SLC24A2: variants seen among roughly 807,000 people sequenced by gnomAD.
The protein encoded by SLC24A2 is sodium/potassium/calcium exchanger 2.
SLC24A2 carries 36 observed loss-of-function variants against 62.0 expected under a neutral mutation model. The observed-to-expected ratio is 0.58, with a 90% confidence interval of 0.44 to 0.77. SLC24A2 has a LOEUF of 0.77. SLC24A2 is among the 30% of genes least tolerant of loss of function. The probability of loss-of-function intolerance (pLI) is 0.00; values close to 1 mark genes in which losing one functional copy is unlikely to be tolerated. For synonymous variants in SLC24A2, 358 were observed against 294.0 expected (o/e 1.22, Z -2.23); for missense variants, 846 against 817.9 (o/e 1.03, Z -0.42).
At chr9:19,932,294 G>A in the SLC24A2 span, among the ~76,000 whole-genome samples, 13 of 152,134 alleles carry the variant, frequency 8.5e-5, no homozygotes, top group Admixed American at 5.2e-4. Context: ...TAAAATTCCG[G>A]TAGATATTTT....
the SLC24A2 span, among the ~76,000 whole-genome samples, chr9:19,826,341 G>C: frequency 6.6e-6 from 1 of 152,210 alleles, no homozygotes; most frequent in South Asian, 2.1e-4. Flanking sequence ...AGAGTGAATG[G>C]GATATCCAAG....
chr9:20,049,335 C>A, the SLC24A2 span, among the ~76,000 whole-genome samples: 1 of 152,098 alleles, frequency 6.6e-6, no homozygotes, highest in Admixed American at 6.5e-5. Flanking sequence ...ACTGAGTGAG[C>A]GCATTAAGTT....
the SLC24A2 span, among the ~76,000 whole-genome samples, chr9:20,228,706 G>A: frequency 3.3e-5 from 5 of 152,152 alleles, no homozygotes; most frequent in African/African-American, 1.2e-4. Context: ...TGACCCTTAG[G>A]AGGGTATAAC....
chr9:19,969,206 C>CACAA, the SLC24A2 span, among the ~76,000 whole-genome samples: 3 of 151,228 alleles, frequency 2.0e-5, no homozygotes, highest in African/African-American at 7.3e-5. Context: ...CACACACACA[C>CACAA]ACACACACAC....
chr9:20,262,151 A>G, the SLC24A2 span, among the ~76,000 whole-genome samples: 5 of 152,196 alleles, frequency 3.3e-5, no homozygotes, highest in Non-Finnish European at 5.9e-5. Context: ...ATGCTGTAAT[A>G]CTATTATTCT....
chr9:20,094,935 G>A, the SLC24A2 span, among the ~76,000 whole-genome samples: 1 of 152,118 alleles, frequency 6.6e-6, no homozygotes, highest in Admixed American at 6.5e-5. Context: ...CACTTTTCAA[G>A]TTTGGGTGTA....
chr9:20,159,875 A>G, the SLC24A2 span, among the ~76,000 whole-genome samples: 1 of 151,628 alleles, frequency 6.6e-6, no homozygotes, highest in Non-Finnish European at 1.5e-5. Context: ...ATGCCATCTG[A>G]AGAAATAAGC....
the SLC24A2 span, among the ~76,000 whole-genome samples, chr9:19,860,869 G>A: frequency 6.6e-6 from 1 of 152,152 alleles, no homozygotes; most frequent in African/African-American, 2.4e-5. Flanking sequence ...TTTGGAAAGG[G>A]GAGAGAAGAG....
the SLC24A2 span, among the ~76,000 whole-genome samples, chr9:19,942,312 GTA>G: frequency 6.6e-6 from 1 of 152,152 alleles, no homozygotes; most frequent in East Asian, 1.9e-4. Context: ...AAAGATTCAA[GTA>G]CTAAAGATTC....
the SLC24A2 span, among the ~76,000 whole-genome samples, chr9:20,304,082 T>C: frequency 6.6e-6 from 1 of 152,222 alleles, no homozygotes; most frequent in East Asian, 1.9e-4. Flanking sequence ...GGTTTTATGC[T>C]GAGTGACTCT....
At chr9:19,576,268 G>A (rs1286372547) in intron 6 of SLC24A2, among the ~76,000 whole-genome samples, 2 of 152,170 alleles carry the variant, frequency 1.3e-5, no homozygotes, top group African/African-American at 4.8e-5. Flanking sequence ...TAGAATAAGA[G>A]AGCTATATTA....
chr9:19,933,802 A>T, the SLC24A2 span, among the ~76,000 whole-genome samples: 1 of 152,230 alleles, frequency 6.6e-6, no homozygotes, highest in Non-Finnish European at 1.5e-5. Flanking sequence ...AAAGGAATAA[A>T]GTCCTGGTGC....
intron 2 of SLC24A2, among the ~76,000 whole-genome samples, chr9:19,646,380 T>C (rs1264593371): frequency 6.6e-6 from 1 of 152,222 alleles, no homozygotes; most frequent in East Asian, 1.9e-4. Flanking sequence ...CAAAAACTGG[T>C]ATCCTCCTCA....
intron 2 of SLC24A2, among the ~76,000 whole-genome samples, chr9:19,738,628 A>G (rs1346936132): frequency 6.6e-6 from 1 of 152,240 alleles, no homozygotes; most frequent in Non-Finnish European, 1.5e-5. Context: ...ATTTGAATTA[A>G]TAACTAAATT....
the SLC24A2 span, among the ~76,000 whole-genome samples, chr9:20,273,636 C>T: frequency 6.6e-6 from 1 of 152,186 alleles, no homozygotes; most frequent in Non-Finnish European, 1.5e-5. Context: ...CCTTGCCTTC[C>T]ACCATGATTG....
intron 2 of SLC24A2, among the ~76,000 whole-genome samples, chr9:19,709,146 A>G (rs1431573866): frequency 2.0e-5 from 3 of 152,322 alleles, no homozygotes; most frequent in African/African-American, 7.2e-5. Flanking sequence ...CAAAAAACAC[A>G]TGAAAAAATG....
chr9:19,566,670 T>C (rs1254209558), intron 7 of SLC24A2, among the ~76,000 whole-genome samples: 1 of 152,212 alleles, frequency 6.6e-6, no homozygotes, highest in East Asian at 1.9e-4. Context: ...CGTATGTTTA[T>C]TGTGGCACTA....
At chr9:19,777,062 C>G (rs941727859) in intron 2 of SLC24A2, among the ~76,000 whole-genome samples, 1 of 152,154 alleles carries the variant, frequency 6.6e-6, no homozygotes, top group African/African-American at 2.4e-5. Flanking sequence ...AAAAACAAAA[C>G]CTGCAAAAAC....
the SLC24A2 span, among the ~76,000 whole-genome samples, chr9:20,080,692 T>C: frequency 2.4e-4 from 37 of 152,168 alleles, no homozygotes; most frequent in African/African-American, 6.7e-4. Flanking sequence ...GAACAGGCAA[T>C]CTACAGAATG....
Sources: allele counts gnomAD v4.1 joint callset (sites outside exome capture counted in the v4.1 genomes callset), GRCh38; gene constraint gnomAD v4.1.1; transcripts MANE v1.5; gene names NCBI Gene and HGNC (gene_info 2026-07-23, HGNC 2026-07-21).